RABGAP1L: variants seen among roughly 807,000 people sequenced by gnomAD.
The protein encoded by RABGAP1L is RAB GTPase activating protein 1 like.
In RABGAP1L, 63 loss-of-function variants were observed where a neutral mutation model predicts 137.7. The observed-to-expected ratio is 0.46, with a 90% CI of 0.37 to 0.56. RABGAP1L has a LOEUF of 0.56. Ranked by LOEUF, RABGAP1L falls within the 20% of genes least tolerant of loss-of-function variation. The probability of loss-of-function intolerance (pLI) is 0.00; values close to 1 mark genes in which losing one functional copy is unlikely to be tolerated. For missense variants in RABGAP1L, 1,095 were observed against 1,244.0 expected (o/e 0.88, Z 1.80); for synonymous variants, 431 against 433.7 (o/e 0.99, Z 0.08).
intron 15 of RABGAP1L, among the ~76,000 whole-genome samples, chr1:174,696,061 C>T (rs1679233805): frequency 6.6e-6 from 1 of 152,148 alleles, no homozygotes. Flanking sequence ...CACTTGGTCA[C>T]ACCTGAAGCC....
At chr1:174,263,905 T>C (rs1673810006) in intron 7 of RABGAP1L, among the ~76,000 whole-genome samples, 1 of 152,102 alleles carries the variant, frequency 6.6e-6, no homozygotes, top group Non-Finnish European at 1.5e-5. Flanking sequence ...GGGGTCAGTA[T>C]TAAGTACCTA....
intron 19 of RABGAP1L, among the ~76,000 whole-genome samples, chr1:174,864,342 C>T (rs1650837132): frequency 6.6e-6 from 1 of 152,192 alleles, no homozygotes; most frequent in Non-Finnish European, 1.5e-5. Flanking sequence ...CTATTTTCTT[C>T]ACTCTTATAT....
intron 13 of RABGAP1L, among the ~76,000 whole-genome samples, chr1:174,512,087 TTAAC>T (rs1662401504): frequency 6.6e-6 from 1 of 152,208 alleles, no homozygotes; most frequent in Admixed American, 6.5e-5. Context: ...ATCAGGGTAA[TTAAC>T]ATATCCATTG....
At chr1:174,500,780 G>A (rs1661186335) in intron 13 of RABGAP1L, among the ~76,000 whole-genome samples, 1 of 152,100 alleles carries the variant, frequency 6.6e-6, no homozygotes, top group Non-Finnish European at 1.5e-5. Context: ...TGATTGAGAA[G>A]GAAGGAAGGA....
At chr1:174,162,769 C>CTTTTT (rs1664582594) in intron 1 of RABGAP1L, among the ~76,000 whole-genome samples, 1 of 45,312 alleles carries the variant, frequency 2.2e-5, no homozygotes, top group Non-Finnish European at 4.5e-5. Context: ...TTTTTTTTTT[C>CTTTTT]TCTTTCTGTT....
chr1:174,664,605 A>G (rs1676609105), intron 14 of RABGAP1L, among the ~76,000 whole-genome samples: 1 of 152,080 alleles, frequency 6.6e-6, no homozygotes, highest in Non-Finnish European at 1.5e-5. Flanking sequence ...AAATATTACC[A>G]ATATTTTTTA....
chr1:174,548,226 A>G, intron 13 of RABGAP1L: 1 of 1,418,894 alleles, frequency 7.0e-7, no homozygotes, highest in Non-Finnish European at 9.2e-7. Flanking sequence ...CATAATCTAC[A>G]GAATTGAAGC....
At chr1:174,708,804 G>A (rs943392813) in intron 17 of RABGAP1L, among the ~76,000 whole-genome samples, 21 of 152,164 alleles carry the variant, frequency 1.4e-4, no homozygotes, top group African/African-American at 4.8e-4. Context: ...AGTGGTGCCT[G>A]GAATGCCAGT....
intron 9 of RABGAP1L, among the ~76,000 whole-genome samples, 159 bp downstream of exon 9, chr1:174,276,094 A>G (rs939363656): frequency 6.6e-6 from 1 of 152,120 alleles, no homozygotes; most frequent in Non-Finnish European, 1.5e-5. Flanking sequence ...CTATGGGGGA[A>G]ATCTCCACTA....
intron 20 of RABGAP1L, among the ~76,000 whole-genome samples, chr1:174,963,015 C>CTTGAACCTG (rs1669303129): frequency 6.6e-6 from 1 of 151,960 alleles, no homozygotes; most frequent in African/African-American, 2.4e-5. Context: ...AGGAGAACCT[C>CTTGAACCTG]TTGAACCTGG....
At chr1:174,305,306 G>C (rs151230481) in intron 11 of RABGAP1L, among the ~76,000 whole-genome samples, 179 bp downstream of exon 11, 29 of 152,288 alleles carry the variant, frequency 1.9e-4, no homozygotes, top group Admixed American at 1.6e-3. Flanking sequence ...AAGTTGCATA[G>C]TCTCCAGTGC....
chr1:174,740,357 A>G (rs1036309617), intron 17 of RABGAP1L, among the ~76,000 whole-genome samples: 1 of 152,204 alleles, frequency 6.6e-6, no homozygotes, highest in Non-Finnish European at 1.5e-5. Context: ...CCCAAAGATG[A>G]ATACACTCAT....
chr1:174,538,131 T>G (rs1363824428), intron 13 of RABGAP1L, among the ~76,000 whole-genome samples: 1 of 152,208 alleles, frequency 6.6e-6, no homozygotes, highest in Non-Finnish European at 1.5e-5. Flanking sequence ...TACAACAATC[T>G]CTGAACCCTG....
At chr1:174,483,898 T>C (rs1225275922) in intron 13 of RABGAP1L, among the ~76,000 whole-genome samples, 1 of 152,216 alleles carries the variant, frequency 6.6e-6, no homozygotes, top group Non-Finnish European at 1.5e-5. Flanking sequence ...GATATTCTGA[T>C]GTCCTTTCTT....
rs540811365 is a variant in RABGAP1L, at chr1:174,363,046, C to T, written c.1466-7933C>T. Among the ~76,000 whole-genome samples, 133 of 152,252 alleles carry T rather than the reference C, an allele frequency of 8.7e-4. 1 individual carries two copies. The highest frequency in any genetic ancestry group is 1.4e-3 in the Non-Finnish European group (97 of 68,008). Reference sequence around the variant, plus strand: ...CAGTGCCATTTATTGAATAGGGAATCGTTTCCCCATTGCTTGTTTTTGTCA... The same window carrying T: ...CAGTGCCATTTATTGAATAGGGAATTGTTTCCCCATTGCTTGTTTTTGTCA... On this transcript the variant is annotated intron_variant, in intron 11 of 25. Transcript: ENST00000681986.
chr1:174,908,427 A>T (rs1277065309), intron 19 of RABGAP1L, among the ~76,000 whole-genome samples: 2 of 152,342 alleles, frequency 1.3e-5, no homozygotes, highest in South Asian at 2.1e-4. Flanking sequence ...CATATTTTTT[A>T]AAAAAGAAAT....
chr1:174,260,643 A>G (rs1030108139), intron 7 of RABGAP1L, among the ~76,000 whole-genome samples: 6 of 152,232 alleles, frequency 3.9e-5, no homozygotes, highest in Non-Finnish European at 7.3e-5. Context: ...ACTAGCTGCC[A>G]TTATTATGGG....
chr1:174,681,941 A>G (rs1229068926), intron 14 of RABGAP1L, among the ~76,000 whole-genome samples: 1 of 152,180 alleles, frequency 6.6e-6, no homozygotes, highest in Non-Finnish European at 1.5e-5. Flanking sequence ...ATGGGATGAG[A>G]TACATATCCT....
intron 12 of RABGAP1L, among the ~76,000 whole-genome samples, chr1:174,377,894 C>A (rs1373854973): frequency 7.8e-6 from 1 of 127,724 alleles, no homozygotes; most frequent in Non-Finnish European, 1.6e-5. Flanking sequence ...ACTAACTCAT[C>A]ATCTAGCATT....
Sources: allele counts gnomAD v4.1 joint callset (sites outside exome capture counted in the v4.1 genomes callset), GRCh38; gene constraint gnomAD v4.1.1; transcripts MANE v1.5; gene names NCBI Gene and HGNC (gene_info 2026-07-23, HGNC 2026-07-21).